LRRC9: variants seen among roughly 807,000 people sequenced by gnomAD.
The protein encoded by LRRC9 is leucine-rich repeat-containing protein 9.
LRRC9 carries 122 observed loss-of-function variants against 63.2 expected under a neutral mutation model. That is an observed-to-expected ratio of 1.93 (90% confidence interval 1.67 to 2.24). The LOEUF (loss-of-function observed/expected upper bound fraction) is 2.24, where lower values mean the gene tolerates loss of function less well. Among genes scored for constraint, LRRC9 ranks in the 30% most tolerant of loss-of-function variants. The pLI, the probability that LRRC9 is intolerant of heterozygous loss-of-function variation, is 0.00. For missense variants in LRRC9, 1,071 were observed against 627.7 expected (o/e 1.71, Z -7.55); for synonymous variants, 366 against 213.1 (o/e 1.72, Z -6.25).
At chr14:60,043,756 C>CTTTTTTTTTTTTTTTTTTTTTTTTTCT (rs368065898) in intron 29 of LRRC9, among the ~76,000 whole-genome samples, 16 of 71,572 alleles carry the variant, frequency 2.2e-4, no homozygotes, top group African/African-American at 4.0e-4. Flanking sequence ...TTTTCTTTTC[C>CTTTTTTTTTTTTTTTTTTTTTTTTTCT]TTTTTTTTTT....
intron 12 of LRRC9, among the ~76,000 whole-genome samples, chr14:59,968,479 G>A (rs1885101506): frequency 6.6e-6 from 1 of 152,162 alleles, no homozygotes; most frequent in Admixed American, 6.5e-5. Context: ...CCCCAAAAAA[G>A]CATTCCATCC....
intron 1 of LRRC9, among the ~76,000 whole-genome samples, chr14:59,926,852 C>A (rs181022502): frequency 0.01 from 1,533 of 152,176 alleles, 23 homozygotes; most frequent in African/African-American, 0.035. Flanking sequence ...ACCTGTATGA[C>A]AAAATGTTCA....
Position 60,053,383 on chromosome 14 carries a change from T to TCACACACACACACACACACACA in LRRC9, c.4131+195_4131+216dup, listed in dbSNP as rs140525122. ...GATTTGGTGAATAGAGCATGCGTGC[T>TCACACACACACACACACACACA]CACACACACACACACACACACACAC... On this transcript the variant is annotated intron_variant, in intron 30 of 31. Transcript: ENST00000445360. This position sits in a 1 kb window ranked among gnomAD's most constrained non-coding sequence, Gnocchi z 4.8. Among the ~76,000 whole-genome samples the TCACACACACACACACACACACA allele has an allele frequency of 1.2e-5, 1 of 85,618 alleles. No homozygotes were observed. The highest frequency in any genetic ancestry group is 3.1e-5 in the African/African-American group (1 of 31,952). The allele number at this position is 85,618 out of a possible 152,430, so 56.2% of individuals were successfully genotyped here.
In LRRC9 at chr14:60,004,457, A is replaced by G. The variant is rs1889644281; in HGVS notation, c.2842+659A>G. ...CAAGTCCAATTAAGCAGCTTTAGTA[A>G]TATCTTAATAATAATGATACCAATA... On this transcript the variant is annotated intron_variant, in intron 21 of 31. Coordinates refer to ENST00000445360, the Ensembl canonical transcript of LRRC9. This position sits in a 1 kb window ranked among gnomAD's most constrained non-coding sequence, Gnocchi z 4.8. Among the ~76,000 whole-genome samples, 1 of 152,092 alleles carries G rather than the reference A, an allele frequency of 6.6e-6. No individual in the cohort carries two copies. The highest frequency in any genetic ancestry group is 6.5e-5 in the Admixed American group (1 of 15,268).
chr14:59,970,534 T>G (rs1885369423), intron 12 of LRRC9, among the ~76,000 whole-genome samples: 1 of 152,198 alleles, frequency 6.6e-6, no homozygotes, highest in Admixed American at 6.5e-5. Flanking sequence ...TTGAACCAAT[T>G]TACACTTCCA....
At chr14:59,939,945 AC>A (rs1016356785) in intron 7 of LRRC9, among the ~76,000 whole-genome samples, 1 of 152,054 alleles carries the variant, frequency 6.6e-6, no homozygotes, top group African/African-American at 2.4e-5. Flanking sequence ...GAAAGTTGGT[AC>A]TTAAAGCTGT....
At chr14:60,000,759 G>C (rs1252846424) in intron 19 of LRRC9, among the ~76,000 whole-genome samples, 1 of 151,892 alleles carries the variant, frequency 6.6e-6, no homozygotes, top group Non-Finnish European at 1.5e-5. Context: ...ATAAATAATT[G>C]GACATGTCTA....
At chr14:60,052,873 T>C (rs1490855528) in intron 29 of LRRC9, among the ~76,000 whole-genome samples, 192 bp from the exon 30 acceptor site, 1 of 152,242 alleles carries the variant, frequency 6.6e-6, no homozygotes, top group East Asian at 1.9e-4. Flanking sequence ...ATGGTAGTCA[T>C]AGTCTTTATT....
chr14:60,002,407 CA>C, intron 20 of LRRC9, among the ~76,000 whole-genome samples: 1 of 152,274 alleles, frequency 6.6e-6, no homozygotes, highest in East Asian at 1.9e-4. Flanking sequence ...TCTTGACCAA[CA>C]TCTGCCCACT....
intron 23 of LRRC9, among the ~76,000 whole-genome samples, chr14:60,010,698 C>T (rs1040431732): frequency 1.3e-5 from 2 of 152,160 alleles, no homozygotes; most frequent in Admixed American, 6.5e-5. Flanking sequence ...CTCTTGAACA[C>T]TTTGCCACTT....
rs376698890 is a variant in LRRC9, at chr14:59,924,627, A to G, written c.-33-3284A>G. The stretch of plus-strand genomic sequence containing the variant: ...GCTTTTGCTCCAAACCCTACAATCT[A>G]TTTTAAATACAGCAACCAGAGTGAT... On this transcript the variant is annotated intron_variant, in intron 1 of 31. Coordinates refer to ENST00000445360, the Ensembl canonical transcript of LRRC9. Among the ~76,000 whole-genome samples, 5 of 152,236 alleles carry G rather than the reference A, an allele frequency of 3.3e-5. No homozygotes were observed. The East Asian group carries it at 9.6e-4, about 29-fold the overall frequency.
chr14:59,948,270 A>G lies in LRRC9; in HGVS notation c.882+3526A>G, dbSNP rs8019134. On this transcript the variant is annotated intron_variant, in intron 8 of 31. Coordinates refer to ENST00000445360, the Ensembl canonical transcript of LRRC9. ...TAGGTATTTTATTCTCTTTGAAGCAATTGTGAATGGGAGTTCACTCATGAT... is the reference window on the plus strand; with the variant it reads ...TAGGTATTTTATTCTCTTTGAAGCAGTTGTGAATGGGAGTTCACTCATGAT... 4.9e-4 allele frequency among the ~76,000 whole-genome samples: 64 copies of G among 129,824 alleles called. 1 individual carries two copies. Among genetic ancestry groups the G allele is most frequent in the African/African-American group, 1.8e-3 (59 of 32,304 alleles). 85.2% of individuals were successfully genotyped at this position (129,824 alleles called of 152,430 possible).
intron 27 of LRRC9, among the ~76,000 whole-genome samples, chr14:60,024,291 T>C (rs546218939): frequency 6.6e-6 from 1 of 152,166 alleles, no homozygotes; most frequent in South Asian, 2.1e-4. Flanking sequence ...TTTTGTGGAA[T>C]AGTGAAAAAT....
rs995160628 is a variant in LRRC9 at position 60,042,074 on chromosome 14, G to T, written c.3990+10011G>T. Among the ~76,000 whole-genome samples, 2 of 152,224 alleles carry T rather than the reference G, an allele frequency of 1.3e-5. No individual in the cohort carries two copies. The highest frequency in any genetic ancestry group is 2.4e-5 in the African/African-American group (1 of 41,454). On this transcript the variant is annotated intron_variant, in intron 29 of 31. Coordinates refer to ENST00000445360, the Ensembl canonical transcript of LRRC9. The surrounding 1 kb of genome is among the most constrained non-coding windows in gnomAD (Gnocchi z 4.2). ...AGGCTGCAGAACAGCAAAGATTGCA[G>T]AACGGCAAATGTTGCTGCTTGATCC...
chr14:60,065,892 C>T (rs957533563), downstream of LRRC9, among the ~76,000 whole-genome samples: 4 of 151,460 alleles, frequency 2.6e-5, no homozygotes, highest in Admixed American at 2.0e-4. Flanking sequence ...AAAGCTGAAC[C>T]GAATACAGGC....
chr14:60,017,843 T>G lies in LRRC9; in HGVS notation c.3318-528T>G, dbSNP rs944988514. Among the ~76,000 whole-genome samples the G allele has an allele frequency of 2.0e-5, 3 of 152,108 alleles. No individual in the cohort carries two copies. The highest frequency in any genetic ancestry group is 7.2e-5 in the African/African-American group (3 of 41,448). On this transcript the variant is annotated intron_variant, in intron 24 of 31. Transcript: ENST00000445360. The surrounding 1 kb of genome is among the most constrained non-coding windows in gnomAD (Gnocchi z 4.0). ...CAAGCATTCTGTTTAATTACCAAAATGTTCACACAGGGTGGAATGCCATAA... is the reference window on the plus strand; with the variant it reads ...CAAGCATTCTGTTTAATTACCAAAAGGTTCACACAGGGTGGAATGCCATAA...
intron 29 of LRRC9, among the ~76,000 whole-genome samples, chr14:60,045,877 T>C (rs1893378504): frequency 6.6e-6 from 1 of 152,196 alleles, no homozygotes; most frequent in South Asian, 2.1e-4. Flanking sequence ...TGGAACAAAT[T>C]TACACACCCA....
chr14:59,966,457 A>T lies in LRRC9; in HGVS notation c.1212-132A>T. 2.3e-6 allele frequency: 1 copy of T among 443,958 alleles called. No individual in the cohort carries two copies. The highest frequency in any genetic ancestry group is 4.0e-6 in the Non-Finnish European group (1 of 250,782). The allele number at this position is 443,958 out of a possible 1,614,324, so 27.5% of individuals were successfully genotyped here. A position where few individuals can be genotyped will look rare whatever the true frequency, so the allele number is the denominator to read the frequency against. ...ATGAATAAATAAACGGAGCCACTATATGATTACTGTATCTTTAGCAAAAGA... is the reference window on the plus strand; with the variant it reads ...ATGAATAAATAAACGGAGCCACTATTTGATTACTGTATCTTTAGCAAAAGA... On this transcript the variant is annotated intron_variant, in intron 10 of 31. Coordinates refer to ENST00000445360, the Ensembl canonical transcript of LRRC9. The surrounding 1 kb of genome is among the most constrained non-coding windows in gnomAD (Gnocchi z 4.0).
At chr14:59,963,792 T>G (rs563801171) in intron 10 of LRRC9, among the ~76,000 whole-genome samples, 1 of 152,336 alleles carries the variant, frequency 6.6e-6, no homozygotes, top group East Asian at 1.9e-4. Flanking sequence ...GCAGAAACTT[T>G]CTGTTTTACA....
Sources: allele counts gnomAD v4.1 joint callset (sites outside exome capture counted in the v4.1 genomes callset), GRCh38; gene constraint gnomAD v4.1.1; non-coding constraint Gnocchi (gnomAD v3.1); transcripts MANE v1.5; gene names NCBI Gene and HGNC (gene_info 2026-07-23, HGNC 2026-07-21).